Variants in OBI1 observed in about 807,000 individuals in gnomAD.
OBI1 encodes ORC ubiquitin ligase 1.
In OBI1, 59 loss-of-function variants were observed where a neutral mutation model predicts 62.4. The ratio of observed to expected loss-of-function variants is 0.95; its 90% CI spans 0.77 to 1.17. The LOEUF (loss-of-function observed/expected upper bound fraction) is 1.17, where lower values mean the gene tolerates loss of function less well. Among genes scored for constraint, OBI1 ranks in the 50% most tolerant of loss-of-function variants. The pLI is 0.00. For missense variants in OBI1, 875 were observed against 830.9 expected (o/e 1.05, Z -0.65); for synonymous variants, 302 against 292.8 (o/e 1.03, Z -0.32).
intron 1 of OBI1, among the ~76,000 whole-genome samples, chr13:78,650,842 T>C (rs1161362423): frequency 6.6e-6 from 1 of 151,826 alleles, no homozygotes; most frequent in Admixed American, 6.6e-5. Context: ...TGGCCTCCAC[T>C]ACACACTTGC....
chr13:78,645,452 TG>T (rs1876352256), intron 1 of OBI1, among the ~76,000 whole-genome samples: 1 of 152,188 alleles, frequency 6.6e-6, no homozygotes. Context: ...TATTAAATAT[TG>T]TATTGATACT....
chr13:78,626,939 G>T (rs543100328), intron 5 of OBI1, among the ~76,000 whole-genome samples: 3 of 152,092 alleles, frequency 2.0e-5, no homozygotes, highest in Non-Finnish European at 4.4e-5. Context: ...GGTGGCGGGC[G>T]CCTGTAGTCC....
At chr13:78,623,121 G>C (rs896406865) in intron 5 of OBI1, among the ~76,000 whole-genome samples, 1 of 152,056 alleles carries the variant, frequency 6.6e-6, no homozygotes, top group Non-Finnish European at 1.5e-5. Flanking sequence ...CCTCAAGAGA[G>C]TTTTCTCTTT....
chr13:78,658,124 T>C (rs914021511), intron 1 of OBI1, among the ~76,000 whole-genome samples: 1 of 152,184 alleles, frequency 6.6e-6, no homozygotes, highest in Non-Finnish European at 1.5e-5. Flanking sequence ...CTCTAGAAGT[T>C]TGTATTTCTC....
chr13:78,640,180 G>C (rs940313458), intron 3 of OBI1, among the ~76,000 whole-genome samples: 22 of 151,638 alleles, frequency 1.5e-4, no homozygotes, highest in African/African-American at 4.9e-4. Context: ...GTACATTGAG[G>C]GGGGCCGGGT....
intron 5 of OBI1, among the ~76,000 whole-genome samples, chr13:78,627,045 G>C (rs995990940): frequency 6.6e-6 from 1 of 152,104 alleles, no homozygotes; most frequent in Non-Finnish European, 1.5e-5. Flanking sequence ...CAGCCTGGGC[G>C]ACAGCACAGG....
intron 5 of OBI1, among the ~76,000 whole-genome samples, chr13:78,627,066 A>G (rs1410369431): frequency 1.3e-5 from 2 of 152,154 alleles, no homozygotes; most frequent in Admixed American, 6.5e-5. Flanking sequence ...AAAGAAAGGT[A>G]AGCAGTAGAA....
intron 5 of OBI1, among the ~76,000 whole-genome samples, chr13:78,627,522 T>G (rs1036188984): frequency 2.0e-5 from 3 of 152,126 alleles, no homozygotes; most frequent in African/African-American, 7.2e-5. Context: ...TGAGAACATG[T>G]GATGTTTAGT....
At chr13:78,636,266 A>C (rs545815482) in intron 4 of OBI1, among the ~76,000 whole-genome samples, 10 of 152,340 alleles carry the variant, frequency 6.6e-5, no homozygotes, top group Admixed American at 3.9e-4. Context: ...CTTAGAAGCT[A>C]CTTCCTTTAA....
intron 5 of OBI1, among the ~76,000 whole-genome samples, chr13:78,634,268 G>T (rs1471955297): frequency 2.0e-5 from 3 of 151,588 alleles, no homozygotes; most frequent in African/African-American, 7.3e-5. Context: ...CAGACTCTGG[G>T]GCTGGGCTAT....
At chr13:78,623,205 T>G (rs1875563275) in intron 5 of OBI1, among the ~76,000 whole-genome samples, 1 of 150,636 alleles carries the variant, frequency 6.6e-6, no homozygotes, top group African/African-American at 2.5e-5. Context: ...CTATCTATGG[T>G]CAATCCTAGT....
intron 1 of OBI1, among the ~76,000 whole-genome samples, chr13:78,645,291 A>C (rs1306852494): frequency 6.6e-6 from 1 of 152,144 alleles, no homozygotes; most frequent in African/African-American, 2.4e-5. Context: ...TTTTTGTTCC[A>C]CTAAGGCTGG....
intron 3 of OBI1, among the ~76,000 whole-genome samples, chr13:78,640,590 G>A (rs1018274750): frequency 6.6e-6 from 1 of 152,054 alleles, no homozygotes; most frequent in African/African-American, 2.4e-5. Context: ...GCTGAGGTCA[G>A]GAGTTCAAGA....
chr13:78,637,384 T>C (rs912788366), intron 4 of OBI1, among the ~76,000 whole-genome samples: 1 of 152,216 alleles, frequency 6.6e-6, no homozygotes, highest in South Asian at 2.1e-4. Flanking sequence ...AGTCCCAGGG[T>C]AGCTTTGAGT....
intron 5 of OBI1, among the ~76,000 whole-genome samples, chr13:78,634,087 CA>C (rs1566280438): frequency 3.0e-4 from 37 of 122,116 alleles, no homozygotes; most frequent in African/African-American, 9.8e-4. Flanking sequence ...AAACAAAAAA[CA>C]AAAAACAAAA....
chr13:78,625,178 T>C (rs1465272781), intron 5 of OBI1, among the ~76,000 whole-genome samples: 4 of 152,176 alleles, frequency 2.6e-5, no homozygotes, highest in Admixed American at 6.5e-5. Context: ...AATTAAGACA[T>C]GCTATTTCAT....
intron 2 of OBI1, 112 bp downstream of exon 2, chr13:78,644,750 T>A: frequency 8.5e-7 from 1 of 1,172,052 alleles, no homozygotes; most frequent in African/African-American, 1.5e-5. Context: ...CTCAGTATTA[T>A]GTTGGCCAAA....
intron 2 of OBI1, among the ~76,000 whole-genome samples, chr13:78,644,314 T>C (rs1338829188): frequency 6.6e-6 from 1 of 152,216 alleles, no homozygotes; most frequent in Admixed American, 6.5e-5. Flanking sequence ...TCATTCAAGG[T>C]TCTCTGCACT....
At chr13:78,623,982 A>C (rs1401944719) in intron 5 of OBI1, among the ~76,000 whole-genome samples, 1 of 152,246 alleles carries the variant, frequency 6.6e-6, no homozygotes, top group Non-Finnish European at 1.5e-5. Context: ...ATAAAGACTA[A>C]GTTTGAAACA....
Sources: gnomAD v4.1 joint callset for allele counts (sites outside exome capture counted in the v4.1 genomes callset) on GRCh38, gnomAD v4.1.1 for gene constraint, MANE v1.5 for transcripts, NCBI Gene and HGNC (gene_info 2026-07-23, HGNC 2026-07-21) for gene names.